The following C6orf163 variants were observed in gnomAD, a reference collection of about 807,000 sequenced individuals.
C6orf163 encodes the protein chromosome 6 open reading frame 163, also known as uncharacterized protein C6orf163.
A neutral mutation model predicts 28.4 loss-of-function variants in C6orf163; 22 were observed. The observed-to-expected ratio is 0.78, with a 90% CI of 0.55 to 1.11. C6orf163 has a LOEUF of 1.11. Ranked by LOEUF, C6orf163 falls within the 50% of genes least tolerant of loss-of-function variation. The pLI is 0.00. For missense variants in C6orf163, 342 were observed against 389.1 expected (o/e 0.88, Z 1.02); for synonymous variants, 110 against 123.6 (o/e 0.89, Z 0.73).
In C6orf163 at chr6:87,356,348, C is replaced by A. The variant is rs749300402; in HGVS notation, c.399C>A (p.Asp133Glu). The A allele has an allele frequency of 3.2e-6, 5 of 1,551,550 alleles. No homozygotes were observed. The highest frequency in any genetic ancestry group is 3.3e-4 in the Middle Eastern group (2 of 5,994). ...TKTEMYQNMD[D>E]EMKREHLAAE... ...CAGAGATGTATCAAAACATGGATGA[C>A]GAAATGAAGAGAGAGCACTTGGCTG... Residue 133 changes from aspartate (D) to glutamate (E), a missense_variant, in exon 4 of 5, where the codon GAC (aspartate) becomes GAA (glutamate). Coordinates refer to ENST00000388923, the MANE Select transcript of C6orf163 (RefSeq NM_001010868.3).
At chr6:87,361,552 G>A (rs945414161) in intron 4 of C6orf163, among the ~76,000 whole-genome samples, 1 of 152,192 alleles carries the variant, frequency 6.6e-6, no homozygotes, top group Non-Finnish European at 1.5e-5. Context: ...GCTTATGTCA[G>A]AGGACACAGG....
chr6:87,355,053 G>A (rs1777478450), intron 3 of C6orf163, among the ~76,000 whole-genome samples: 1 of 152,166 alleles, frequency 6.6e-6, no homozygotes, highest in Non-Finnish European at 1.5e-5. Flanking sequence ...GGATTCTGCA[G>A]CTATTGAAAA....
chr6:87,348,156 A>G (rs1777356375), intron 1 of C6orf163: 3 of 977,096 alleles, frequency 3.1e-6, no homozygotes, highest in Non-Finnish European at 3.6e-6. Context: ...CTCCCTCTCA[A>G]AAAAAAAGAG....
intron 4 of C6orf163, among the ~76,000 whole-genome samples, chr6:87,360,911 C>A (rs949655978): frequency 1.3e-5 from 2 of 152,140 alleles, no homozygotes; most frequent in Non-Finnish European, 2.9e-5. Context: ...ACACCCTCGA[C>A]GCACTGCACC....
chr6:87,364,879 A>G, intron 4 of C6orf163, 82 bp from the exon 5 acceptor site: 1 of 1,072,284 alleles, frequency 9.3e-7, no homozygotes, highest in Non-Finnish European at 1.3e-6. Context: ...ACAATTGCTC[A>G]TTCATCTGCG....
chr6:87,350,526 T>C, intron 3 of C6orf163, 25 bp downstream of exon 3: 1 of 1,332,632 alleles, frequency 7.5e-7, no homozygotes. Flanking sequence ...TTATTTGTTG[T>C]CTTTTAAAAG....
chr6:87,354,273 TTC>T (rs1777464220), intron 3 of C6orf163, among the ~76,000 whole-genome samples: 1 of 152,248 alleles, frequency 6.6e-6, no homozygotes, highest in South Asian at 2.1e-4. Flanking sequence ...GCAAGTAATT[TTC>T]TTGTTCTTTG....
chr6:87,351,394 T>A (rs1777410447), intron 3 of C6orf163, among the ~76,000 whole-genome samples: 1 of 152,204 alleles, frequency 6.6e-6, no homozygotes, highest in South Asian at 2.1e-4. Flanking sequence ...AATGAGCACC[T>A]ACCGTATATT....
chr6:87,352,038 G>A (rs1485226687), intron 3 of C6orf163, among the ~76,000 whole-genome samples: 1 of 152,146 alleles, frequency 6.6e-6, no homozygotes, highest in Non-Finnish European at 1.5e-5. Flanking sequence ...GTGGAGTTGA[G>A]GTACTTAGTG....
rs1777631854 is a variant in C6orf163, at chr6:87,365,453, C to G, written c.*57C>G. 8.3e-7 allele frequency: 1 copy of G among 1,206,730 alleles called. No homozygotes were observed. The highest frequency in any genetic ancestry group is 1.6e-5 in the South Asian group (1 of 61,966). The allele number at this position is 1,206,730 out of a possible 1,614,324, so 74.8% of individuals were successfully genotyped here. A position where few individuals can be genotyped will look rare whatever the true frequency, so the allele number is the denominator to read the frequency against. ...CATCATTCCAGACTAAATAAATTTA[C>G]TCAAAAACCATGTATTGATTCCCCA... On this transcript the variant is annotated 3_prime_UTR_variant, in exon 5 of 5. Transcript: ENST00000388923.
chr6:87,359,474 G>T (rs918709102), intron 4 of C6orf163, among the ~76,000 whole-genome samples: 3 of 152,186 alleles, frequency 2.0e-5, no homozygotes, highest in Admixed American at 2.0e-4. Flanking sequence ...AGAGCCAGGG[G>T]TTCCCCATGT....
At chr6:87,356,554 A>G in intron 4 of C6orf163, 51 bp downstream of exon 4, 1 of 1,500,778 alleles carries the variant, frequency 6.7e-7, no homozygotes. Context: ...ATCAAAATCA[A>G]CCTGGAGAAA....
intron 1 of C6orf163, chr6:87,348,544 A>G (rs920666538): frequency 3.6e-5 from 43 of 1,180,040 alleles, no homozygotes; most frequent in Non-Finnish European, 4.4e-5. Context: ...TTCTTCGGGC[A>G]TTTATTTCAC....
At position 87,348,864 on chromosome 6, in the gene C6orf163, CAG is replaced by C. The variant is rs1315239213; in HGVS notation, c.205_206del (p.Glu69ThrfsTer8). The C allele has an allele frequency of 1.3e-6, 2 of 1,537,604 alleles. No homozygotes were observed. Among genetic ancestry groups the C allele is most frequent in the Non-Finnish European group, 1.7e-6 (2 of 1,146,944 alleles). ...KEEQFQEDIL[R>X]EHIAKAEAEV... ...AAGAGCAGTTTCAAGAAGATATACT[CAG>C]AGAACACATTGCGAAAGCAGAAGCT... On this transcript the variant is annotated frameshift_variant, in exon 2 of 5. Transcript: ENST00000388923. LOFTEE classifies it high-confidence loss of function.
At chr6:87,354,986 G>GAGA (rs1245325190) in intron 3 of C6orf163, among the ~76,000 whole-genome samples, 2 of 152,212 alleles carry the variant, frequency 1.3e-5, no homozygotes, top group African/African-American at 2.4e-5. Context: ...CTTCAGCCAG[G>GAGA]AGAACTCTTA....
At chr6:87,348,227 C>CT (rs1473206214) in intron 1 of C6orf163, 18 of 984,308 alleles carry the variant, frequency 1.8e-5, no homozygotes, top group Non-Finnish European at 2.2e-5. Flanking sequence ...CCTCTCTAGA[C>CT]TTTTATTACC....
At chr6:87,364,267 G>A (rs1052920661) in intron 4 of C6orf163, among the ~76,000 whole-genome samples, 8 of 140,492 alleles carry the variant, frequency 5.7e-5, no homozygotes, top group Middle Eastern at 3.2e-3. Context: ...CCTGGGTGAC[G>A]GCAAGACACT....
In C6orf163 at chr6:87,365,331, CT is replaced by C. The variant is rs746159368; in HGVS notation, c.926del (p.Leu309ArgfsTer?). 6.4e-7 allele frequency: 1 copy of C among 1,551,230 alleles called. No homozygotes were observed. The highest frequency in any genetic ancestry group is 8.7e-7 in the Non-Finnish European group (1 of 1,146,728). Reference sequence around the variant, plus strand: ...TTCACCAGGACATGCAGATTTTATTCTGCCAGAAAGAAAGAAAACACCTTCT... The same window carrying C: ...TTCACCAGGACATGCAGATTTTATTCGCCAGAAAGAAAGAAAACACCTTCT... ...KLSPGHADFI[L>X]PERKKTPSNL... is the part of the protein sequence containing the mutation. On this transcript the variant is annotated frameshift_variant, in exon 5 of 5. Coordinates refer to ENST00000388923, the MANE Select transcript of C6orf163 (RefSeq NM_001010868.3). LOFTEE classifies it high-confidence loss of function.
In C6orf163 at chr6:87,365,101, T is replaced by G; in HGVS notation, c.695T>G (p.Val232Gly). 1 of 1,551,718 alleles carries G rather than the reference T, an allele frequency of 6.4e-7. No homozygotes were observed. Among genetic ancestry groups the G allele is most frequent in the Non-Finnish European group, 8.7e-7 (1 of 1,147,040 alleles). ...GCTCAGAGGCAGAGGCAAGAAGAGG[T>G]ACAGGAAGTGCTTCAAGAAGCAGAG... ...GIAQRQRQEE[V>G]QEVLQEAEKT... Residue 232 changes from valine to glycine, a missense_variant, in exon 5 of 5, where the codon GTA becomes GGA. Physicochemically the swap from Val to Gly is moderately radical, Grantham distance 109. Coordinates refer to ENST00000388923, the MANE Select transcript of C6orf163 (RefSeq NM_001010868.3).
Sources: gnomAD v4.1 joint callset for allele counts (sites outside exome capture counted in the v4.1 genomes callset) on GRCh38, gnomAD v4.1.1 for gene constraint, MANE v1.5 for transcripts, NCBI Gene and HGNC (gene_info 2026-07-23, HGNC 2026-07-21) for gene names.